Variants in NAALADL2 observed in about 807,000 individuals in gnomAD.
NAALADL2 encodes inactive N-acetylated-alpha-linked acidic dipeptidase-like protein 2.
Under a neutral mutation model 87.2 loss-of-function variants are expected in NAALADL2, and 76 were observed. The ratio of observed to expected loss-of-function variants is 0.87; its 90% CI spans 0.72 to 1.05. The LOEUF (loss-of-function observed/expected upper bound fraction) is 1.05, where lower values mean the gene tolerates loss of function less well. NAALADL2 is among the 50% of genes least tolerant of loss of function. The probability of loss-of-function intolerance (pLI) is 0.00; values close to 1 mark genes in which losing one functional copy is unlikely to be tolerated. For missense variants in NAALADL2, 1,089 were observed against 945.8 expected (o/e 1.15, Z -1.99); for synonymous variants, 354 against 331.0 (o/e 1.07, Z -0.75).
intron 3 of NAALADL2, among the ~76,000 whole-genome samples, chr3:175,245,900 A>G (rs1035835019): frequency 1.3e-5 from 2 of 152,164 alleles, no homozygotes; most frequent in African/African-American, 4.8e-5. Flanking sequence ...TCTTATGCCA[A>G]CCCTTGTCTA....
At position 174,783,357 on chromosome 3, in the gene NAALADL2, G is replaced by A. The variant is rs185320569; in HGVS notation, c.-9+45611G>A. Among the ~76,000 whole-genome samples, 38 of 152,144 alleles carry A rather than the reference G, an allele frequency of 2.5e-4. No individual in the cohort carries two copies. In the East Asian group the frequency reaches 6.4e-3, roughly 26 times the overall value. On this transcript the variant is annotated intron_variant, in intron 3 of 3. Transcript: ENST00000434257. ...TGAATTTCTGTTACAAGCGTATCCCGATGAAGATGAGGATTACTTCTTGGT... is the reference window on the plus strand; with the variant it reads ...TGAATTTCTGTTACAAGCGTATCCCAATGAAGATGAGGATTACTTCTTGGT...
At chr3:175,545,422 A>C (rs1213082111) in intron 9 of NAALADL2, among the ~76,000 whole-genome samples, 3 of 152,130 alleles carry the variant, frequency 2.0e-5, no homozygotes, top group Non-Finnish European at 4.4e-5. Context: ...CCATCTTGTA[A>C]AGGAATGAAT....
At chr3:175,614,976 C>A (rs1021078485) in intron 10 of NAALADL2, among the ~76,000 whole-genome samples, 1 of 152,006 alleles carries the variant, frequency 6.6e-6, no homozygotes, top group Admixed American at 6.6e-5. Context: ...ACCAAGTAAG[C>A]AGGTTAGGAC....
intron 1 of NAALADL2, among the ~76,000 whole-genome samples, chr3:174,461,112 A>G (rs997808361): frequency 6.6e-6 from 1 of 152,084 alleles, no homozygotes; most frequent in Non-Finnish European, 1.5e-5. Context: ...ATGCTTTGAG[A>G]TAATATATGT....
chr3:174,817,664 A>C (rs113409218), intron 3 of NAALADL2, among the ~76,000 whole-genome samples: 3,593 of 152,244 alleles, frequency 0.024, 133 homozygotes, highest in African/African-American at 0.083. Flanking sequence ...GGGGGAGTGC[A>C]TGGTAATAAC....
At chr3:175,518,955 T>A (rs2149412787) in intron 9 of NAALADL2, among the ~76,000 whole-genome samples, 1 of 152,370 alleles carries the variant, frequency 6.6e-6, no homozygotes, top group South Asian at 2.1e-4. Flanking sequence ...TAATTATTCA[T>A]GTTTATGCTT....
intron 9 of NAALADL2, among the ~76,000 whole-genome samples, chr3:175,562,690 A>G (rs62288388): frequency 6.6e-6 from 1 of 151,978 alleles, no homozygotes. Context: ...TAAAAAATGC[A>G]TGATAGAAAA....
chr3:175,340,617 C>A (rs1366301576), intron 5 of NAALADL2, among the ~76,000 whole-genome samples: 1 of 152,090 alleles, frequency 6.6e-6, no homozygotes, highest in Non-Finnish European at 1.5e-5. Context: ...GGCAGCATGG[C>A]TTCTTCAACT....
chr3:174,942,596 A>T (rs1346242993), intron 1 of NAALADL2, among the ~76,000 whole-genome samples: 3 of 152,060 alleles, frequency 2.0e-5, no homozygotes, highest in Admixed American at 2.0e-4. Context: ...AAGGCTGGAG[A>T]CGTTTTCATG....
chr3:174,737,987 G>A (rs1332869447), intron 3 of NAALADL2, among the ~76,000 whole-genome samples: 1 of 152,026 alleles, frequency 6.6e-6, no homozygotes, highest in Non-Finnish European at 1.5e-5. Flanking sequence ...CTGTGTGGCT[G>A]TTGAAATTGG....
intron 9 of NAALADL2, among the ~76,000 whole-genome samples, chr3:175,538,843 C>G (rs1711766126): frequency 6.6e-6 from 1 of 152,140 alleles, no homozygotes; most frequent in South Asian, 2.1e-4. Context: ...TCCAGCTTAC[C>G]TCTTTCCATT....
At chr3:175,545,658 A>T (rs1426163996) in intron 9 of NAALADL2, among the ~76,000 whole-genome samples, 1 of 152,104 alleles carries the variant, frequency 6.6e-6, no homozygotes, top group Non-Finnish European at 1.5e-5. Context: ...ATGCTAACAA[A>T]CTTCAACCCA....
At chr3:175,439,878 C>A (rs928930476) in intron 5 of NAALADL2, among the ~76,000 whole-genome samples, 2 of 151,838 alleles carry the variant, frequency 1.3e-5, no homozygotes, top group Non-Finnish European at 1.5e-5. Flanking sequence ...TGTACGGAAG[C>A]ATTTTAGTTT....
intron 9 of NAALADL2, among the ~76,000 whole-genome samples, chr3:175,515,870 C>T (rs1731769240): frequency 6.6e-6 from 1 of 152,164 alleles, no homozygotes; most frequent in South Asian, 2.1e-4. Context: ...TATGCCTGTA[C>T]CTAAGTGTGA....
At chr3:175,399,550 C>A (rs938964817) in intron 5 of NAALADL2, among the ~76,000 whole-genome samples, 5 of 152,076 alleles carry the variant, frequency 3.3e-5, no homozygotes, top group African/African-American at 1.2e-4. Context: ...AGTGTAACTT[C>A]CTGATGTTGC....
intron 5 of NAALADL2, among the ~76,000 whole-genome samples, chr3:175,411,612 G>C (rs1322317064): frequency 6.6e-6 from 1 of 152,118 alleles, no homozygotes; most frequent in Non-Finnish European, 1.5e-5. Context: ...TGTAATCATA[G>C]AGAGTGATTC....
intron 1 of NAALADL2, among the ~76,000 whole-genome samples, chr3:174,980,978 A>G (rs548583656): frequency 1.3e-5 from 2 of 152,312 alleles, no homozygotes; most frequent in South Asian, 4.1e-4. Context: ...GATTTGTTTG[A>G]ACATTGTATT....
intron 4 of NAALADL2, among the ~76,000 whole-genome samples, chr3:175,270,271 G>A (rs1437512118): frequency 1.3e-5 from 2 of 152,156 alleles, no homozygotes; most frequent in Admixed American, 1.3e-4. Context: ...AGAGGATTCA[G>A]ACTCACCAAT....
chr3:175,234,870 T>C (rs1745556433), intron 3 of NAALADL2: 1 of 152,108 alleles, frequency 6.6e-6, no homozygotes, highest in South Asian at 2.1e-4. Flanking sequence ...TTGGAGTCAA[T>C]AATAGTTCCA....
Sources: gnomAD v4.1 joint callset for allele counts (sites outside exome capture counted in the v4.1 genomes callset) on GRCh38, gnomAD v4.1.1 for gene constraint, MANE v1.5 for transcripts, NCBI Gene and HGNC (gene_info 2026-07-23, HGNC 2026-07-21) for gene names.